ZFR: variants seen among roughly 807,000 people sequenced by gnomAD.
The protein encoded by ZFR is zinc finger RNA binding protein.
A neutral mutation model predicts 130.7 loss-of-function variants in ZFR; 19 were observed. The ratio of observed to expected loss-of-function variants is 0.15; its 90% CI spans 0.10 to 0.21. ZFR has a LOEUF of 0.21. ZFR is among the 10% of genes least tolerant of loss of function. The probability of loss-of-function intolerance (pLI) is 1.00; values close to 1 mark genes in which losing one functional copy is unlikely to be tolerated. For missense variants in ZFR, 872 were observed against 1,321.5 expected (o/e 0.66, Z 5.27); for synonymous variants, 466 against 456.9 (o/e 1.02, Z -0.25).
chr5:32,430,430 G>A (rs1754180328), intron 2 of ZFR, among the ~76,000 whole-genome samples: 1 of 152,008 alleles, frequency 6.6e-6, no homozygotes, highest in Non-Finnish European at 1.5e-5. Context: ...GAGAGAGGAA[G>A]AGATGAAAAA....
intron 2 of ZFR, among the ~76,000 whole-genome samples, chr5:32,438,473 G>C (rs896195250): frequency 4.6e-5 from 7 of 151,890 alleles, no homozygotes; most frequent in African/African-American, 9.7e-5. Context: ...ATGTTGGTCA[G>C]GCTGGTCTCG....
intron 8 of ZFR, among the ~76,000 whole-genome samples, chr5:32,401,332 A>G (rs868202231): frequency 6.6e-6 from 1 of 152,244 alleles, no homozygotes; most frequent in South Asian, 2.1e-4. Context: ...ACAATGTGAT[A>G]AGCACTATAA....
intron 9 of ZFR, among the ~76,000 whole-genome samples, chr5:32,398,677 C>G (rs913642773): frequency 6.6e-6 from 1 of 152,080 alleles, no homozygotes; most frequent in African/African-American, 2.4e-5. Flanking sequence ...CACAATTTTT[C>G]TTTTTCTTGT....
intron 17 of ZFR, 195 bp from the exon 18 acceptor site, chr5:32,364,470 C>T (rs564662562): frequency 1.7e-5 from 5 of 296,808 alleles, no homozygotes; most frequent in African/African-American, 6.6e-5. Flanking sequence ...CAGTGGCTCA[C>T]GTCTGTAATC....
In ZFR at chr5:32,355,928, T is replaced by C. The variant is rs1199681099; in HGVS notation, c.3057A>G (p.Arg1019=). 6 of 1,588,592 alleles carry C rather than the reference T, an allele frequency of 3.8e-6. No homozygotes were observed. The highest frequency in any genetic ancestry group is 1.7e-4 in the Middle Eastern group (1 of 5,974). Residue 1019 remains arginine (R), a synonymous_variant, in exon 20 of 20, where the codon AGA becomes AGG. Transcript: ENST00000265069. ...DITSSAQFAL[R]LLAFRQIHKV... is the part of the protein sequence containing the mutation. ...TGTGTATCTGGCGGAATGCAAGGAG[T>C]CTCAATGCAAACTGCAACAAAGAGA... is the stretch of plus-strand genomic sequence containing the variant.
chr5:32,387,562 G>T lies in ZFR; in HGVS notation c.2486C>A (p.Pro829His). ...TLLSRIAENL[P>H]KQLAVISPEK... is the part of the protein sequence containing the mutation. ...CATAATACTTACAGCAAGCTGTTTGGGTAGGTTTTCTGCAATACGGCTTAA... is the reference window on the plus strand; with the variant it reads ...CATAATACTTACAGCAAGCTGTTTGTGTAGGTTTTCTGCAATACGGCTTAA... Residue 829 changes from proline (P) to histidine (H), a missense_variant, in exon 14 of 20, where the codon CCC becomes CAC. By Grantham distance (77) the Pro-to-His change is moderately conservative. Coordinates refer to ENST00000265069, the MANE Select transcript of ZFR (RefSeq NM_016107.5). 6.2e-7 allele frequency: 1 copy of T among 1,612,334 alleles called. No individual in the cohort carries two copies. Among genetic ancestry groups the T allele is most frequent in the Non-Finnish European group, 8.5e-7 (1 of 1,179,166 alleles).
At chr5:32,426,946 T>G (rs1363351768) in intron 2 of ZFR, among the ~76,000 whole-genome samples, 4 of 143,356 alleles carry the variant, frequency 2.8e-5, no homozygotes, top group African/African-American at 1.0e-4. Flanking sequence ...GATCAAGCCA[T>G]CTGTTCACAG....
intron 5 of ZFR, among the ~76,000 whole-genome samples, chr5:32,409,606 A>G (rs953246537): frequency 2.0e-5 from 3 of 152,066 alleles, no homozygotes; most frequent in African/African-American, 7.2e-5. Context: ...GGGTTTTACC[A>G]TGGTGGCCAG....
chr5:32,416,284 G>A (rs534339516), intron 4 of ZFR, among the ~76,000 whole-genome samples: 6 of 152,266 alleles, frequency 3.9e-5, no homozygotes, highest in Admixed American at 2.0e-4. Flanking sequence ...TAAACAGGAA[G>A]TTTACTATAA....
At chr5:32,364,935 C>A (rs1416206317) in intron 17 of ZFR, 1 of 152,148 alleles carries the variant, frequency 6.6e-6, no homozygotes, top group Non-Finnish European at 1.5e-5. Context: ...ATCACCATTA[C>A]CTAATTCCAG....
intron 2 of ZFR, among the ~76,000 whole-genome samples, chr5:32,431,496 CAT>C (rs1167359803): frequency 6.6e-6 from 1 of 152,142 alleles, no homozygotes; most frequent in East Asian, 1.9e-4. Context: ...CTAAAGAAAA[CAT>C]AGACAGCTTC....
At position 32,371,664 on chromosome 5, in the gene ZFR, A is replaced by G. The variant is rs563545153; in HGVS notation, c.2836-7389T>C. ...CCATCTGACCATCTTCTATCTCACC[A>G]GAAAAAAGAAAAACACTAGAATTTG... On this transcript the variant is annotated intron_variant, in intron 17 of 19. Transcript: ENST00000265069. Among the ~76,000 whole-genome samples the G allele has an allele frequency of 5.9e-5, 9 of 152,264 alleles. No homozygotes were observed. The East Asian group carries it at 1.7e-3, about 29-fold the overall frequency.
At position 32,407,402 on chromosome 5, in the gene ZFR, A is replaced by G. The variant is rs150874456; in HGVS notation, c.785-381T>C. 4.6e-5 allele frequency among the ~76,000 whole-genome samples: 7 copies of G among 150,572 alleles called. No homozygotes were observed. The East Asian group carries it at 1.4e-3, about 29-fold the overall frequency. On this transcript the variant is annotated intron_variant, in intron 5 of 19. Transcript: ENST00000265069. ...TAGGAAGTGTTGGATTTGAGGAAGA[A>G]TCTGAAGTAGGATACTAGATAGGAA...
intron 9 of ZFR, among the ~76,000 whole-genome samples, chr5:32,397,653 G>A (rs1415105885): frequency 2.6e-5 from 4 of 151,906 alleles, no homozygotes; most frequent in African/African-American, 9.7e-5. Flanking sequence ...GTAGAGACAG[G>A]GTTTCACCAT....
At chr5:32,414,575 T>C (rs1351278907) in intron 5 of ZFR, among the ~76,000 whole-genome samples, 1 of 152,194 alleles carries the variant, frequency 6.6e-6, no homozygotes. Flanking sequence ...AATAAATAGC[T>C]CTTCGAGAGC....
intron 15 of ZFR, 55 bp from the exon 16 acceptor site, chr5:32,380,227 A>G (rs1165904601): frequency 4.4e-6 from 6 of 1,354,094 alleles, no homozygotes; most frequent in South Asian, 2.4e-5. Context: ...TGACCAGGTG[A>G]GCAAGACACT....
chr5:32,398,809 G>A (rs1406426829), intron 9 of ZFR, among the ~76,000 whole-genome samples: 3 of 151,678 alleles, frequency 2.0e-5, no homozygotes, highest in Non-Finnish European at 4.4e-5. Flanking sequence ...TCAGCGTCCC[G>A]AGTAGCTGGG....
chr5:32,425,123 T>C (rs1487515260), intron 2 of ZFR, among the ~76,000 whole-genome samples: 1 of 152,182 alleles, frequency 6.6e-6, no homozygotes, highest in African/African-American at 2.4e-5. Context: ...TGCATAAAGT[T>C]GATAAGTTAC....
intron 2 of ZFR, among the ~76,000 whole-genome samples, chr5:32,426,484 C>G (rs896410792): frequency 3.9e-5 from 6 of 152,076 alleles, no homozygotes; most frequent in African/African-American, 1.4e-4. Context: ...ACCTCACACT[C>G]GATGACACAC....
Sources: gnomAD v4.1 joint callset for allele counts (sites outside exome capture counted in the v4.1 genomes callset) on GRCh38, gnomAD v4.1.1 for gene constraint, MANE v1.5 for transcripts, NCBI Gene and HGNC (gene_info 2026-07-23, HGNC 2026-07-21) for gene names.